The following MAP7D1 variants were observed in gnomAD, a reference collection of about 807,000 sequenced individuals.
MAP7D1 encodes MAP7 domain containing 1.
A neutral mutation model predicts 97.5 loss-of-function variants in MAP7D1; 30 were observed. The observed-to-expected ratio is 0.31, with a 90% CI of 0.23 to 0.42. MAP7D1 has a LOEUF of 0.42. Ranked by LOEUF, MAP7D1 falls within the 10% of genes least tolerant of loss-of-function variation. The probability of loss-of-function intolerance (pLI) is 1.00; values close to 1 mark genes in which losing one functional copy is unlikely to be tolerated. For missense variants in MAP7D1, 1,184 were observed against 1,179.5 expected, an observed-to-expected ratio of 1.00 and a Z score of -0.06; for synonymous variants, 536 against 477.1, an observed-to-expected ratio of 1.12 and a Z score of -1.61.
intron 1 of MAP7D1, among the ~76,000 whole-genome samples, chr1:36,166,439 G>A (rs539899369): frequency 6.6e-6 from 1 of 150,636 alleles, no homozygotes; most frequent in Non-Finnish European, 1.5e-5. Flanking sequence ...ACCCAGGCTG[G>A]AGTGCAGTGG....
rs775481863 is a variant in MAP7D1 at position 36,171,134 on chromosome 1, C to G, written c.210C>G (p.Ser70Arg). The change falls in exon 2 of 17, where the codon AGC (serine) becomes AGG (arginine). Residue 70 changes from serine to arginine, a missense_variant. Physicochemically the swap from Ser to Arg is moderately radical, Grantham distance 110. Coordinates refer to ENST00000474796, the MANE Select transcript of MAP7D1 (RefSeq NM_001388490.1). The part of the protein sequence containing the change: ...SSKQLPLEPE[S>R]PSGQVGPRPA... ...AGCAGCTCCCACTGGAACCAGAGAG[C>G]CCCTCAGGGCAGGTCGGGCCTAGGC... 3.7e-6 allele frequency: 6 copies of G among 1,614,016 alleles called. No homozygotes were observed. The highest frequency in any genetic ancestry group is 4.5e-5 in the East Asian group (2 of 44,866).
At chr1:36,169,128 T>C (rs900538709) in intron 1 of MAP7D1, among the ~76,000 whole-genome samples, 2 of 151,786 alleles carry the variant, frequency 1.3e-5, no homozygotes, top group African/African-American at 4.8e-5. Flanking sequence ...GGCAGGTGCC[T>C]GTAATCCCAG....
Position 36,180,290 on chromosome 1 carries a change from G to A in MAP7D1, c.*32G>A. On this transcript the variant is annotated 3_prime_UTR_variant, in exon 17 of 17. Coordinates refer to ENST00000474796, the MANE Select transcript of MAP7D1 (RefSeq NM_001388490.1). ...TTGCCTTGGATCCGGGCACAGTTGTGAGGGCTCCTCTGCATCACCTACCAG... is the reference window on the plus strand; with the variant it reads ...TTGCCTTGGATCCGGGCACAGTTGTAAGGGCTCCTCTGCATCACCTACCAG... The A allele has an allele frequency of 1.2e-6, 2 of 1,614,094 alleles. No individual in the cohort carries two copies. Among genetic ancestry groups the A allele is most frequent in the East Asian group, 4.5e-5 (2 of 44,866 alleles).
Position 36,171,524 on chromosome 1 carries a change from G to A in MAP7D1, c.403G>A (p.Ala135Thr), listed in dbSNP as rs546675696. 1.2e-5 allele frequency: 20 copies of A among 1,614,210 alleles called. No individual in the cohort carries two copies. The South Asian group carries it at 1.8e-4, about 14-fold the overall frequency. Residue 135 changes from alanine (A) to threonine (T), a missense_variant, in exon 3 of 17, where the codon GCA (alanine) becomes ACA (threonine). Physicochemically the swap from Ala to Thr is moderately conservative, Grantham distance 58. Coordinates refer to ENST00000474796, the MANE Select transcript of MAP7D1 (RefSeq NM_001388490.1). ...TTCCCTCTGCTCAGAGGTGAAGAAG[G>A]CAGGAGAGAGACACAAGCTGGCAAA... ...SPPTKQEVKK[A>T]GERHKLAKER...
Position 36,180,374 on chromosome 1 carries a change from G to A in MAP7D1, c.*116G>A. On this transcript the variant is annotated 3_prime_UTR_variant, in exon 17 of 17. Coordinates refer to ENST00000474796, the MANE Select transcript of MAP7D1 (RefSeq NM_001388490.1). ...GGAAGTGGCCTGGGCCCCTGGGGGT[G>A]GGTCCTCTCTGTTGTTTTTAATCTG... is the stretch of plus-strand genomic sequence containing the variant. 6.9e-7 allele frequency: 1 copy of A among 1,452,402 alleles called. No homozygotes were observed. Among genetic ancestry groups the A allele is most frequent in the Admixed American group, 1.7e-5 (1 of 59,318 alleles). 90.0% of individuals were successfully genotyped at this position (1,452,402 alleles called of 1,614,324 possible).
At chr1:36,163,551 GGTTGGCATAATT>G (rs1242005912) in intron 1 of MAP7D1, among the ~76,000 whole-genome samples, 2 of 152,130 alleles carry the variant, frequency 1.3e-5, no homozygotes, top group African/African-American at 4.8e-5. Flanking sequence ...ATTTCATCAG[GGTTGGCATAATT>G]GTGAAGAAAA....
Position 36,173,411 on chromosome 1 carries a change from C to G in MAP7D1, c.672C>G (p.Ala224=). Residue 224 remains alanine (A), a synonymous_variant, in exon 5 of 17, where the codon GCC becomes GCG. Transcript: ENST00000474796. ...AIQRSVKKTW[A]EIRQQRWSWA... ...AACGGTCAGTGAAGAAGACGTGGGCCGAAATCCGGCAGCAGCGCTGGTCCT... is the reference window on the plus strand; with the variant it reads ...AACGGTCAGTGAAGAAGACGTGGGCGGAAATCCGGCAGCAGCGCTGGTCCT... The G allele has an allele frequency of 6.2e-7, 1 of 1,614,056 alleles. No homozygotes were observed. Among genetic ancestry groups the G allele is most frequent in the Non-Finnish European group, 8.5e-7 (1 of 1,179,998 alleles).
chr1:36,160,201 G>A (rs1644389056), intron 1 of MAP7D1, among the ~76,000 whole-genome samples: 1 of 152,212 alleles, frequency 6.6e-6, no homozygotes. Context: ...GCCAGACCCA[G>A]ATAATGCAGC....
intron 1 of MAP7D1, among the ~76,000 whole-genome samples, chr1:36,163,658 G>C (rs992139543): frequency 2.0e-5 from 3 of 152,072 alleles, no homozygotes; most frequent in African/African-American, 7.2e-5. Context: ...TTTTCTTGTT[G>C]AGCTGCTGGA....
In MAP7D1 at chr1:36,156,326, C is replaced by T; in HGVS notation, c.-92C>T. On this transcript the variant is annotated 5_prime_UTR_variant, in exon 1 of 17. Transcript: ENST00000474796. ...CGCTACTTGCCGGGCCGGGCCGGGC[C>T]GGGCGTGATGCGCCGCGGGACCCCT... The T allele has an allele frequency of 1.8e-6, 2 of 1,139,454 alleles. No homozygotes were observed. The highest frequency in any genetic ancestry group is 2.3e-6 in the Non-Finnish European group (2 of 858,522). The allele number at this position is 1,139,454 out of a possible 1,614,324, so 70.6% of individuals were successfully genotyped here. A position where few individuals can be genotyped will look rare whatever the true frequency, so the allele number is the denominator to read the frequency against.
intron 1 of MAP7D1, among the ~76,000 whole-genome samples, chr1:36,160,848 G>C (rs1644399271): frequency 6.6e-6 from 1 of 152,258 alleles, no homozygotes; most frequent in Admixed American, 6.5e-5. Flanking sequence ...TGCCAGGTTG[G>C]AGCCTAAGCA....
intron 8 of MAP7D1, chr1:36,177,462 G>A (rs1644643180): frequency 2.3e-6 from 1 of 444,274 alleles, no homozygotes. Context: ...CGAGGCTGTA[G>A]TGAGCTATGT....
At position 36,178,978 on chromosome 1, in the gene MAP7D1, G is replaced by C; in HGVS notation, c.2083G>C (p.Glu695Gln). ...EEAERQRLER[E>Q]KHFQQQEQER... ...GGCGGAGCGGCAGCGTCTGGAGCGG[G>C]AAAAGCACTTCCAGCAGCAGGAGCA... The change falls in exon 12 of 17, where the codon GAA becomes CAA. Residue 695 changes from glutamate to glutamine, a missense_variant. Physicochemically the swap from Glu to Gln is conservative, Grantham distance 29. Transcript: ENST00000474796. 1 of 1,535,980 alleles carries C rather than the reference G, an allele frequency of 6.5e-7. No individual in the cohort carries two copies. Among genetic ancestry groups the C allele is most frequent in the East Asian group, 2.5e-5 (1 of 40,110 alleles).
At position 36,178,192 on chromosome 1, in the gene MAP7D1, A is replaced by C; in HGVS notation, c.1699A>C (p.Thr567Pro). Reference sequence around the variant, plus strand: ...CCAGAAGGAGCAGCCCCCCGCGGAGACCCCTACAGGTAGGAATGAAGAGAG... The same window carrying C: ...CCAGAAGGAGCAGCCCCCCGCGGAGCCCCCTACAGGTAGGAATGAAGAGAG... ...PPQKEQPPAETPTDAAVLTSP... is the reference protein window; with the variant it reads ...PPQKEQPPAEPPTDAAVLTSP... The change falls in exon 9 of 17, where the codon ACC becomes CCC. Residue 567 changes from threonine (T) to proline (P), a missense_variant. Thr to Pro is a conservative substitution (Grantham distance 38). Transcript: ENST00000474796. 1 of 1,565,930 alleles carries C rather than the reference A, an allele frequency of 6.4e-7. No homozygotes were observed. The highest frequency in any genetic ancestry group is 8.6e-7 in the Non-Finnish European group (1 of 1,156,934).
At position 36,170,961 on chromosome 1, in the gene MAP7D1, G is replaced by A; in HGVS notation, c.47-10G>A. 8.2e-7 allele frequency: 1 copy of A among 1,221,596 alleles called. No individual in the cohort carries two copies. The highest frequency in any genetic ancestry group is 1.2e-6 in the Non-Finnish European group (1 of 841,810). 75.7% of individuals were successfully genotyped at this position (1,221,596 alleles called of 1,614,324 possible). A position where few individuals can be genotyped will look rare whatever the true frequency, so the allele number is the denominator to read the frequency against. ...TCTGACCTCTCTCCTCTCTTGTGTT[G>A]GTCTTTCAGCTGTGGTCGCCAGGAC... On this transcript the variant is annotated splice_polypyrimidine_tract_variant and intron_variant, in intron 1 of 16. Transcript: ENST00000474796.
chr1:36,156,940 C>T (rs1256022322), intron 1 of MAP7D1, among the ~76,000 whole-genome samples: 2 of 152,002 alleles, frequency 1.3e-5, no homozygotes, highest in Non-Finnish European at 2.9e-5. Flanking sequence ...GTGCCCGTAC[C>T]CTCAGGCCCT....
At chr1:36,169,404 A>T (rs1051773797) in intron 1 of MAP7D1, among the ~76,000 whole-genome samples, 1 of 151,846 alleles carries the variant, frequency 6.6e-6, no homozygotes, top group African/African-American at 2.4e-5. Flanking sequence ...AAAATACAAA[A>T]AATTAGCCAG....
At chr1:36,168,034 C>T (rs565166132) in intron 1 of MAP7D1, among the ~76,000 whole-genome samples, 156 of 152,272 alleles carry the variant, frequency 1.0e-3, no homozygotes, top group African/African-American at 3.7e-3. Context: ...CGGTGGCTCA[C>T]GCCTGTAATC....
At chr1:36,173,560 A>G (rs369323028) in intron 5 of MAP7D1, 82 bp downstream of exon 5, 8 of 1,051,030 alleles carry the variant, frequency 7.6e-6, no homozygotes, top group South Asian at 6.1e-5. Context: ...CCCTACAAAA[A>G]GCTGGTGGCT....
Sources: gnomAD v4.1 joint callset for allele counts (sites outside exome capture counted in the v4.1 genomes callset) on GRCh38, gnomAD v4.1.1 for gene constraint, MANE v1.5 for transcripts, NCBI Gene and HGNC (gene_info 2026-07-23, HGNC 2026-07-21) for gene names.